Variants in RFX6 observed in about 807,000 individuals in gnomAD.
The protein encoded by RFX6 is regulatory factor X6, also known as DNA-binding protein RFX6.
Under a neutral mutation model 110.8 loss-of-function variants are expected in RFX6, and 50 were observed. That is an observed-to-expected ratio of 0.45 (90% CI 0.36 to 0.57). The LOEUF (loss-of-function observed/expected upper bound fraction) is 0.57, where lower values mean the gene tolerates loss of function less well. RFX6 is among the 20% of genes least tolerant of loss of function. The pLI is 0.00. For missense variants in RFX6, 990 were observed against 1,127.0 expected, an observed-to-expected ratio of 0.88 and a Z score of 1.74; for synonymous variants, 383 against 411.2, an observed-to-expected ratio of 0.93 and a Z score of 0.83.
chr6:116,907,488 G>T (rs891488373), intron 6 of RFX6, among the ~76,000 whole-genome samples: 20 of 152,164 alleles, frequency 1.3e-4, no homozygotes, highest in African/African-American at 4.3e-4. Context: ...CAACTCTGGG[G>T]CTTTTCTTTG....
intron 12 of RFX6, among the ~76,000 whole-genome samples, chr6:116,921,418 A>G (rs1336066016): frequency 6.6e-6 from 1 of 152,214 alleles, no homozygotes; most frequent in Non-Finnish European, 1.5e-5. Flanking sequence ...ACTTTTAACT[A>G]ATCTGTTCCG....
At chr6:116,923,645 T>C in intron 14 of RFX6, 1 of 210,354 alleles carries the variant, frequency 4.8e-6, no homozygotes, top group Non-Finnish European at 9.7e-6. Context: ...AAAGTTATTA[T>C]TCATTGCAAT....
At chr6:116,882,117 C>T (rs1469668692) in intron 3 of RFX6, among the ~76,000 whole-genome samples, 1 of 152,024 alleles carries the variant, frequency 6.6e-6, no homozygotes, top group Admixed American at 6.6e-5. Context: ...CAAGCAAAAG[C>T]AGATATTGGT....
rs761666971 is a variant in RFX6 at position 116,931,521 on chromosome 6, A to C, written c.*15A>C. On this transcript the variant is annotated 3_prime_UTR_variant, in exon 19 of 19. Coordinates refer to ENST00000332958, the MANE Select transcript of RFX6 (RefSeq NM_173560.4). ...GAGGCACTTAAACCACCAATGTGGG[A>C]GGGGGTGCTAAAACTTTAAAAAAAA... 6.3e-7 allele frequency: 1 copy of C among 1,597,534 alleles called. No individual in the cohort carries two copies. The highest frequency in any genetic ancestry group is 8.6e-7 in the Non-Finnish European group (1 of 1,166,482).
At chr6:116,881,183 A>G (rs546432026) in intron 3 of RFX6, among the ~76,000 whole-genome samples, 3 of 152,078 alleles carry the variant, frequency 2.0e-5, no homozygotes, top group East Asian at 1.9e-4. Context: ...ATTTCTTTCT[A>G]CCCAACCTGT....
chr6:116,908,172 A>T (rs1313414855), intron 6 of RFX6, among the ~76,000 whole-genome samples: 1 of 152,080 alleles, frequency 6.6e-6, no homozygotes, highest in Non-Finnish European at 1.5e-5. Context: ...ACTTTCTAGC[A>T]TCTTGTAACC....
intron 6 of RFX6, among the ~76,000 whole-genome samples, chr6:116,903,562 C>T (rs1261789379): frequency 6.6e-6 from 1 of 151,932 alleles, no homozygotes; most frequent in Non-Finnish European, 1.5e-5. Flanking sequence ...TCACTTTTTC[C>T]TCCCTACTCA....
At position 116,919,164 on chromosome 6, in the gene RFX6, T is replaced by C. The variant is rs372515802; in HGVS notation, c.1050T>C (p.Ala350=). The C allele has an allele frequency of 5.0e-6, 8 of 1,613,620 alleles. No homozygotes were observed. In the African/African-American group the frequency reaches 1.1e-4, roughly 22 times the overall value. ...TATTAGCAGACATAAGAAATTTTGC[T>C]AAAAATTGGGAACAGTGGGTTGTTT... The part of the protein sequence containing the change: ...ESLLADIRNF[A]KNWEQWVVSS... Residue 350 remains alanine, a synonymous_variant, in exon 11 of 19, where the codon GCT becomes GCC. Transcript: ENST00000332958.
At chr6:116,880,416 G>A (rs975458307) in intron 2 of RFX6, 128 bp from the exon 3 acceptor site, 6 of 775,826 alleles carry the variant, frequency 7.7e-6, no homozygotes, top group South Asian at 3.4e-5. Context: ...CAGAATAAAC[G>A]AAGTCTACTT....
chr6:116,877,764 TTTTC>T (rs1169891070), intron 1 of RFX6, 28 bp from the exon 2 acceptor site: 2 of 1,611,282 alleles, frequency 1.2e-6, no homozygotes, highest in Non-Finnish European at 1.7e-6. Flanking sequence ...TATATTCTAT[TTTTC>T]TTTATCATCC....
intron 6 of RFX6, among the ~76,000 whole-genome samples, chr6:116,909,039 TTGTC>T: frequency 6.6e-6 from 1 of 152,260 alleles, no homozygotes; most frequent in South Asian, 2.1e-4. Flanking sequence ...AAGCTTAAAA[TTGTC>T]TGTTTCCTGA....
At chr6:116,900,557 G>C (rs1775046225) in intron 6 of RFX6, among the ~76,000 whole-genome samples, 1 of 151,604 alleles carries the variant, frequency 6.6e-6, no homozygotes, top group South Asian at 2.1e-4. Context: ...GCCCGGCCTT[G>C]AATCTATTTT....
At chr6:116,883,318 A>G (rs1457492344) in intron 4 of RFX6, among the ~76,000 whole-genome samples, 1 of 152,084 alleles carries the variant, frequency 6.6e-6, no homozygotes, top group African/African-American at 2.4e-5. Flanking sequence ...AACTACCTCT[A>G]TAGCTTCTCT....
chr6:116,917,640 G>T (rs1247632759), intron 9 of RFX6, among the ~76,000 whole-genome samples: 2 of 151,998 alleles, frequency 1.3e-5, no homozygotes, highest in East Asian at 3.9e-4. Flanking sequence ...ATCTTTAAAT[G>T]AACCTGGTTT....
chr6:116,925,517 G>C lies in RFX6; in HGVS notation c.1743G>C (p.Gly581=), dbSNP rs760028056. ...SSCFLANRNK[G]SMVSSDAVKN... ...GCTTTCTGGCCAACCGTAATAAAGG[G>C]AGCATGGTTTCCAGCGACGCTGTGA... The change falls in exon 16 of 19, where the codon GGG becomes GGC. Residue 581 remains glycine (G), a synonymous_variant. Transcript: ENST00000332958. The C allele has an allele frequency of 1.9e-6, 3 of 1,614,152 alleles. No homozygotes were observed. The highest frequency in any genetic ancestry group is 2.2e-5 in the South Asian group (2 of 91,084).
chr6:116,910,862 A>G, intron 6 of RFX6, 73 bp from the exon 7 acceptor site: 1 of 1,047,958 alleles, frequency 9.5e-7, no homozygotes, highest in Non-Finnish European at 1.5e-6. Context: ...ATGGATTTGT[A>G]TTTTACTAGA....
At chr6:116,905,157 AT>A (rs1447055761) in intron 6 of RFX6, among the ~76,000 whole-genome samples, 2 of 152,002 alleles carry the variant, frequency 1.3e-5, no homozygotes, top group East Asian at 3.9e-4. Context: ...AAGGATTCCA[AT>A]TTTTTCACAT....
At chr6:116,893,775 T>A (rs1774880257) in intron 4 of RFX6, among the ~76,000 whole-genome samples, 1 of 152,218 alleles carries the variant, frequency 6.6e-6, no homozygotes, top group Admixed American at 6.5e-5. Flanking sequence ...TTTTCAAGCC[T>A]AGAGTCAGAA....
intron 13 of RFX6, 66 bp downstream of exon 13, chr6:116,922,217 A>AT: frequency 1.7e-5 from 14 of 846,920 alleles, no homozygotes; most frequent in East Asian, 9.8e-5. Flanking sequence ...ACTGGCTATA[A>AT]TTTTTTGTCT....
Sources: gnomAD v4.1 joint callset for allele counts (sites outside exome capture counted in the v4.1 genomes callset) on GRCh38, gnomAD v4.1.1 for gene constraint, MANE v1.5 for transcripts, NCBI Gene and HGNC (gene_info 2026-07-23, HGNC 2026-07-21) for gene names.